TENM4: variants seen among roughly 807,000 people sequenced by gnomAD.
The protein encoded by TENM4 is teneurin transmembrane protein 4, also known as teneurin-4.
A neutral mutation model predicts 243.3 loss-of-function variants in TENM4; 82 were observed. The observed-to-expected ratio is 0.34, with a 90% CI of 0.28 to 0.40. The LOEUF (loss-of-function observed/expected upper bound fraction) is 0.40. Ranked by LOEUF, TENM4 falls within the 10% of genes least tolerant of loss-of-function variation. TENM4 has a pLI of 1.00. For synonymous variants in TENM4, 1,412 were observed against 1,456.3 expected (o/e 0.97, Z 0.69); for missense variants, 3,138 against 3,673.3 (o/e 0.85, Z 3.77).
chr11:79,309,375 C>A (rs182080981), intron 1 of TENM4, among the ~76,000 whole-genome samples: 1 of 152,254 alleles, frequency 6.6e-6, no homozygotes, highest in Non-Finnish European at 1.5e-5. Context: ...CCCATCCTGG[C>A]CCTGGAGGTC....
chr11:78,704,656 A>G (rs1859199997), intron 27 of TENM4, among the ~76,000 whole-genome samples: 1 of 152,220 alleles, frequency 6.6e-6, no homozygotes, highest in Non-Finnish European at 1.5e-5. Flanking sequence ...TAGCTAGATT[A>G]TAGATAAAGA....
intron 16 of TENM4, among the ~76,000 whole-genome samples, chr11:78,780,118 G>A (rs1022486662): frequency 2.0e-5 from 3 of 152,152 alleles, no homozygotes. Context: ...TACAAGATAG[G>A]AACATGAAAG....
At chr11:78,895,347 A>G (rs1450912560) in intron 7 of TENM4, among the ~76,000 whole-genome samples, 2 of 152,136 alleles carry the variant, frequency 1.3e-5, no homozygotes, top group East Asian at 3.9e-4. Flanking sequence ...CAAAAAAAAA[A>G]AAAAGAAAAA....
chr11:78,919,302 T>C (rs1164598773), intron 6 of TENM4, among the ~76,000 whole-genome samples: 1 of 152,124 alleles, frequency 6.6e-6, no homozygotes, highest in Non-Finnish European at 1.5e-5. Flanking sequence ...TGGTCCAAAA[T>C]AACACAATTA....
chr11:78,711,426 C>G (rs1008345192), intron 26 of TENM4, among the ~76,000 whole-genome samples: 3 of 152,154 alleles, frequency 2.0e-5, no homozygotes, highest in African/African-American at 7.2e-5. Flanking sequence ...ATGATTTGCC[C>G]AAAGTCACTC....
rs189309632 is a variant in TENM4, at chr11:78,717,062, A to G, written c.3821+3308T>C. ...TCCTGAGCAGGGCTGGACACAGAGT[A>G]AGATCACAGCTTCATTTTCAGTTTG... On this transcript the variant is annotated intron_variant, in intron 25 of 33. Coordinates refer to ENST00000278550, the MANE Select transcript of TENM4 (RefSeq NM_001098816.3). 7.6e-4 allele frequency among the ~76,000 whole-genome samples: 116 copies of G among 152,318 alleles called. 1 individual carries two copies. Among genetic ancestry groups the G allele is most frequent in the African/African-American group, 2.6e-3 (109 of 41,580 alleles).
intron 6 of TENM4, among the ~76,000 whole-genome samples, chr11:79,006,198 ATCAGTACCTCCCTTTCTACCCCCTAC>A (rs1375282975): frequency 4.6e-5 from 7 of 152,016 alleles, no homozygotes; most frequent in East Asian, 1.9e-4. Context: ...CCCCTCCCTA[ATCAGTACCTCCCTTTCTACCCCCTAC>A]TCAGTACCTC....
intron 6 of TENM4, among the ~76,000 whole-genome samples, chr11:78,924,046 G>A (rs894610296): frequency 6.6e-6 from 1 of 151,820 alleles, no homozygotes; most frequent in Non-Finnish European, 1.5e-5. Flanking sequence ...GTAGAGATGG[G>A]GTTTAACCAT....
At chr11:78,787,809 A>T in intron 15 of TENM4, among the ~76,000 whole-genome samples, 1 of 152,192 alleles carries the variant, frequency 6.6e-6, no homozygotes, top group East Asian at 1.9e-4. Context: ...GCCAGAGTGG[A>T]GCTGCCCACC....
chr11:78,811,875 A>C (rs1857508635), intron 14 of TENM4, among the ~76,000 whole-genome samples: 1 of 152,208 alleles, frequency 6.6e-6, no homozygotes, highest in Non-Finnish European at 1.5e-5. Flanking sequence ...CGAGGCTTCT[A>C]GCACAGCCCC....
At chr11:79,312,044 T>A (rs1856730869) in intron 1 of TENM4, among the ~76,000 whole-genome samples, 1 of 152,188 alleles carries the variant, frequency 6.6e-6, no homozygotes, top group Non-Finnish European at 1.5e-5. Context: ...CACCCTGCTA[T>A]CTTCATGTGA....
chr11:78,719,046 T>C lies in TENM4; in HGVS notation c.3821+1324A>G, dbSNP rs545269717. The stretch of plus-strand genomic sequence containing the variant: ...ATAAATTATAATACTGTTAACTCTA[T>C]AGGATGTTATCATTATTATTACTAC... On this transcript the variant is annotated intron_variant, in intron 25 of 33. Transcript: ENST00000278550. Among the ~76,000 whole-genome samples, 4 of 152,300 alleles carry C rather than the reference T, an allele frequency of 2.6e-5. No homozygotes were observed. In the East Asian group the frequency reaches 5.8e-4, roughly 22 times the overall value.
intron 6 of TENM4, among the ~76,000 whole-genome samples, chr11:79,003,768 A>G (rs1021242675): frequency 2.6e-5 from 4 of 152,314 alleles, no homozygotes; most frequent in African/African-American, 9.6e-5. Flanking sequence ...TTGACACTAT[A>G]AAGTGACAAC....
chr11:79,159,990 CTTAT>C (rs1482510242), intron 3 of TENM4, among the ~76,000 whole-genome samples: 2 of 152,120 alleles, frequency 1.3e-5, no homozygotes, highest in African/African-American at 2.4e-5. Context: ...TCATTTTTTA[CTTAT>C]TTATTTCTTC....
chr11:78,982,234 C>T (rs1857814484), intron 6 of TENM4, among the ~76,000 whole-genome samples: 1 of 152,038 alleles, frequency 6.6e-6, no homozygotes, highest in Admixed American at 6.5e-5. Flanking sequence ...CACTGGGACC[C>T]AGTGGTGAGT....
At chr11:78,704,231 G>T (rs187921634) in intron 27 of TENM4, among the ~76,000 whole-genome samples, 11 of 141,152 alleles carry the variant, frequency 7.8e-5, no homozygotes, top group Admixed American at 6.5e-4. Context: ...ACCCAGGCTG[G>T]TATCAAACTC....
intron 1 of TENM4, among the ~76,000 whole-genome samples, chr11:79,385,132 C>G (rs1301276412): frequency 6.6e-6 from 1 of 152,062 alleles, no homozygotes; most frequent in Non-Finnish European, 1.5e-5. Context: ...AATTAACTCT[C>G]TCTAGGCCAG....
intron 15 of TENM4, among the ~76,000 whole-genome samples, chr11:78,804,478 T>A (rs1040931206): frequency 2.3e-4 from 35 of 152,182 alleles, no homozygotes; most frequent in African/African-American, 7.7e-4. Context: ...AAATGAGAGA[T>A]GAGACGTGAC....
At chr11:78,982,494 G>A (rs1334781689) in intron 6 of TENM4, among the ~76,000 whole-genome samples, 2 of 152,076 alleles carry the variant, frequency 1.3e-5, no homozygotes, top group African/African-American at 2.4e-5. Context: ...GTCTCAGAGG[G>A]TCCCCTGCAG....
Sources: allele counts gnomAD v4.1 joint callset (sites outside exome capture counted in the v4.1 genomes callset), GRCh38; gene constraint gnomAD v4.1.1; transcripts MANE v1.5; gene names NCBI Gene and HGNC (gene_info 2026-07-23, HGNC 2026-07-21).